Variants in SIPA1L1 observed in about 807,000 individuals in gnomAD.
The protein encoded by SIPA1L1 is signal-induced proliferation-associated 1-like protein 1.
A neutral mutation model predicts 162.7 loss-of-function variants in SIPA1L1; 26 were observed. That is an observed-to-expected ratio of 0.16 (90% CI 0.12 to 0.22). SIPA1L1 has a LOEUF of 0.22. Ranked by LOEUF, SIPA1L1 falls within the 10% of genes least tolerant of loss-of-function variation. The pLI, the probability that SIPA1L1 is intolerant of heterozygous loss-of-function variation, is 1.00. For synonymous variants in SIPA1L1, 829 were observed against 837.4 expected, an observed-to-expected ratio of 0.99 and a Z score of 0.17; for missense variants, 1,874 against 2,241.0, an observed-to-expected ratio of 0.84 and a Z score of 3.31.
intron 5 of SIPA1L1, 111 bp downstream of exon 5, chr14:71,589,481 T>C: frequency 1.6e-6 from 1 of 639,236 alleles, no homozygotes; most frequent in Non-Finnish European, 2.6e-6. Flanking sequence ...GCATGTCTTA[T>C]CTTTCTTGAT....
chr14:71,602,734 A>T (rs2036926506), intron 5 of SIPA1L1, among the ~76,000 whole-genome samples: 1 of 152,254 alleles, frequency 6.6e-6, no homozygotes, highest in African/African-American at 2.4e-5. Flanking sequence ...GCAGGAGGTG[A>T]GCAGCAGGTG....
At chr14:71,529,416 T>G (rs1305437927) in intron 4 of SIPA1L1, 46 bp downstream of exon 4, 1 of 585,424 alleles carries the variant, frequency 1.7e-6, no homozygotes, top group Non-Finnish European at 3.1e-6. Context: ...CTTTACAAAG[T>G]GTTGATTTTC....
chr14:71,739,018 G>C lies in SIPA1L1; in HGVS notation c.5209G>C (p.Glu1737Gln). The C allele has an allele frequency of 6.2e-7, 1 of 1,612,836 alleles. No individual in the cohort carries two copies. The highest frequency in any genetic ancestry group is 8.5e-7 in the Non-Finnish European group (1 of 1,179,324). ...TTTTCTACTTCACTCTGCCTCCCAG[G>C]AAAAAGAAGACAAAGCTCACCTTCA... Reference protein sequence around the residue: ...LKMLREDLKKEKEDKAHLQAE... With the variant: ...LKMLREDLKKQKEDKAHLQAE... Residue 1737 changes from glutamate to glutamine, a missense_variant and splice_region_variant, in exon 24 of 24, where the codon GAA (glutamate) becomes CAA (glutamine). Coordinates refer to ENST00000381232, the MANE Select transcript of SIPA1L1 (RefSeq NM_001386936.1).
At chr14:71,621,476 T>C (rs1232669010) in intron 6 of SIPA1L1, among the ~76,000 whole-genome samples, 1 of 152,130 alleles carries the variant, frequency 6.6e-6, no homozygotes, top group African/African-American at 2.4e-5. Flanking sequence ...CCGTCATTCC[T>C]CCCCACTGCT....
intron 17 of SIPA1L1, 91 bp downstream of exon 17, chr14:71,709,755 A>G: frequency 1.9e-6 from 2 of 1,077,752 alleles, no homozygotes; most frequent in African/African-American, 1.6e-5. Flanking sequence ...AATAGTGTAT[A>G]AGGAAAGGAG....
intron 5 of SIPA1L1, among the ~76,000 whole-genome samples, chr14:71,595,143 TTTA>T (rs2035887484): frequency 6.6e-6 from 1 of 152,176 alleles, no homozygotes; most frequent in African/African-American, 2.4e-5. Flanking sequence ...CTACATGTGT[TTTA>T]TTTTAAAATC....
intron 2 of SIPA1L1, among the ~76,000 whole-genome samples, chr14:71,352,777 A>T (rs1437191787): frequency 6.6e-6 from 1 of 152,216 alleles, no homozygotes; most frequent in Non-Finnish European, 1.5e-5. Flanking sequence ...AGATACTGAT[A>T]AACAGTTTTC....
At chr14:71,589,393 T>A (rs753720732) in intron 5 of SIPA1L1, 23 bp downstream of exon 5, 79 of 1,483,400 alleles carry the variant, frequency 5.3e-5, no homozygotes, top group Non-Finnish European at 6.8e-5. Flanking sequence ...CCTTTATTTC[T>A]TACATTTTCT....
chr14:71,551,029 C>G (rs559900991), intron 4 of SIPA1L1, among the ~76,000 whole-genome samples: 1 of 152,274 alleles, frequency 6.6e-6, no homozygotes, highest in African/African-American at 2.4e-5. Context: ...TGTTCATATC[C>G]TAGGGTCTTT....
intron 4 of SIPA1L1, among the ~76,000 whole-genome samples, chr14:71,565,611 G>C (rs2146785480): frequency 6.6e-6 from 1 of 152,268 alleles, no homozygotes; most frequent in Admixed American, 6.5e-5. Flanking sequence ...ATATGCAATA[G>C]TCATTTGGGT....
At chr14:71,327,086 T>G (rs1678701500) in intron 2 of SIPA1L1, among the ~76,000 whole-genome samples, 2 of 150,920 alleles carry the variant, frequency 1.3e-5, no homozygotes, top group African/African-American at 4.9e-5. Context: ...AAATCTTTTT[T>G]TTTTTTTTTT....
intron 4 of SIPA1L1, among the ~76,000 whole-genome samples, chr14:71,546,241 A>G (rs2055180741): frequency 6.6e-6 from 1 of 151,340 alleles, no homozygotes; most frequent in South Asian, 2.1e-4. Context: ...TTACTGCATT[A>G]CTCCCATTTT....
At chr14:71,542,841 C>T (rs969779605) in intron 4 of SIPA1L1, among the ~76,000 whole-genome samples, 2 of 151,570 alleles carry the variant, frequency 1.3e-5, no homozygotes, top group Middle Eastern at 3.4e-3. Flanking sequence ...CCTGCCTTGG[C>T]CCAAAGTGCT....
intron 5 of SIPA1L1, among the ~76,000 whole-genome samples, chr14:71,617,900 C>T (rs2039008851): frequency 2.6e-5 from 4 of 152,180 alleles, no homozygotes; most frequent in Admixed American, 2.6e-4. Flanking sequence ...ACTTCCTCAT[C>T]TGTGAACATC....
At chr14:71,544,320 G>A (rs1051120876) in intron 4 of SIPA1L1, among the ~76,000 whole-genome samples, 5 of 150,470 alleles carry the variant, frequency 3.3e-5, no homozygotes, top group Admixed American at 6.6e-5. Context: ...ATACATATAT[G>A]TATATACATA....
chr14:71,521,452 C>T (rs978793441), intron 3 of SIPA1L1, among the ~76,000 whole-genome samples: 41 of 152,234 alleles, frequency 2.7e-4, no homozygotes, highest in African/African-American at 9.1e-4. Context: ...TAAGGGCATT[C>T]CTTTCCTGCA....
At chr14:71,693,674 C>T (rs1309775058) in intron 13 of SIPA1L1, among the ~76,000 whole-genome samples, 1 of 151,960 alleles carries the variant, frequency 6.6e-6, no homozygotes, top group African/African-American at 2.4e-5. Flanking sequence ...TTATAGCACC[C>T]AAATTACATC....
intron 5 of SIPA1L1, among the ~76,000 whole-genome samples, chr14:71,609,189 T>A (rs1204191919): frequency 6.6e-6 from 1 of 152,116 alleles, no homozygotes; most frequent in African/African-American, 2.4e-5. Flanking sequence ...CATTAGCTGG[T>A]CTTAATTTTT....
At position 71,698,884 on chromosome 14, in the gene SIPA1L1, C is replaced by T; in HGVS notation, c.3375-97C>T. ...CATTTTCACTATCTCCATGAAGTCA[C>T]TGTTTTTGTCACATTTATATGATAT... On this transcript the variant is annotated intron_variant, in intron 13 of 23. Transcript: ENST00000381232. 7 of 1,185,660 alleles carry T rather than the reference C, an allele frequency of 5.9e-6. No homozygotes were observed. In the South Asian group the frequency reaches 9.4e-5, roughly 16 times the overall value. The allele number at this position is 1,185,660 out of a possible 1,614,324, so 73.4% of individuals were successfully genotyped here.
Sources: gnomAD v4.1 joint callset for allele counts (sites outside exome capture counted in the v4.1 genomes callset) on GRCh38, gnomAD v4.1.1 for gene constraint, MANE v1.5 for transcripts, NCBI Gene and HGNC (gene_info 2026-07-23, HGNC 2026-07-21) for gene names.